Variants in C1orf87 observed in about 807,000 individuals in gnomAD.
C1orf87 encodes the protein chromosome 1 open reading frame 87, also known as uncharacterized protein C1orf87.
C1orf87 carries 58 observed loss-of-function variants against 60.5 expected under a neutral mutation model. The ratio of observed to expected loss-of-function variants is 0.96; its 90% CI spans 0.78 to 1.19. The LOEUF is 1.19. Ranked by LOEUF, C1orf87 falls within the 50% of genes most tolerant of loss-of-function variation. The pLI, the probability that C1orf87 is intolerant of heterozygous loss-of-function variation, is 0.00. For missense variants in C1orf87, 673 were observed against 638.6 expected (o/e 1.05, Z -0.58); for synonymous variants, 236 against 227.4 (o/e 1.04, Z -0.34).
At chr1:60,025,814 A>G (rs1326860016) in intron 7 of C1orf87, among the ~76,000 whole-genome samples, 1 of 152,202 alleles carries the variant, frequency 6.6e-6, no homozygotes, top group African/African-American at 2.4e-5. Flanking sequence ...GTCAATGCCT[A>G]TGTATTACAC....
At chr1:60,047,584 A>T (rs936553327) in intron 3 of C1orf87, among the ~76,000 whole-genome samples, 1 of 152,142 alleles carries the variant, frequency 6.6e-6, no homozygotes, top group Non-Finnish European at 1.5e-5. Flanking sequence ...TTGTTTCTAA[A>T]TTTTTCCAAT....
intron 11 of C1orf87, among the ~76,000 whole-genome samples, chr1:59,994,025 C>T (rs1644945886): frequency 6.6e-6 from 1 of 152,166 alleles, no homozygotes; most frequent in Admixed American, 6.5e-5. Flanking sequence ...TCCCAAAGTG[C>T]TGGGATTACA....
chr1:60,020,157 A>G (rs1645153016), intron 8 of C1orf87, among the ~76,000 whole-genome samples: 1 of 152,088 alleles, frequency 6.6e-6, no homozygotes, highest in Non-Finnish European at 1.5e-5. Context: ...GGAGGGAAAA[A>G]TAGTTTCGTG....
intron 3 of C1orf87, among the ~76,000 whole-genome samples, chr1:60,045,569 A>T (rs573997306): frequency 6.6e-6 from 1 of 152,212 alleles, no homozygotes; most frequent in African/African-American, 2.4e-5. Context: ...ATCAACTGAC[A>T]ATCTTATTTT....
At chr1:59,990,993 A>G (rs995920602) in intron 11 of C1orf87, among the ~76,000 whole-genome samples, 160 bp from the exon 12 acceptor site, 1 of 152,208 alleles carries the variant, frequency 6.6e-6, no homozygotes, top group African/African-American at 2.4e-5. Flanking sequence ...AAAAATATTT[A>G]TAGCTGTGGG....
chr1:60,002,765 A>G (rs1157569386), intron 9 of C1orf87, among the ~76,000 whole-genome samples: 1 of 152,052 alleles, frequency 6.6e-6, no homozygotes, highest in East Asian at 1.9e-4. Flanking sequence ...TCAAAACCAC[A>G]ATGAGATACC....
chr1:60,063,435 G>T (rs891677075), intron 2 of C1orf87, among the ~76,000 whole-genome samples: 1 of 152,110 alleles, frequency 6.6e-6, no homozygotes, highest in African/African-American at 2.4e-5. Context: ...GACAGAAGCA[G>T]CCTTTAGAAA....
rs146142683 is a variant in C1orf87 at position 60,033,559 on chromosome 1, T to A, written c.946A>T (p.Asn316Tyr). 867 of 1,613,776 alleles carry A rather than the reference T, an allele frequency of 5.4e-4. No individual in the cohort carries two copies. The highest frequency in any genetic ancestry group is 7.1e-4 in the Non-Finnish European group (838 of 1,179,880). Residue 316 changes from asparagine (N) to tyrosine (Y), a missense_variant, in exon 7 of 12, where the codon AAT (asparagine) becomes TAT (tyrosine). Coordinates refer to ENST00000371201, the MANE Select transcript of C1orf87 (RefSeq NM_152377.3). ...EILKMALRTT[N>Y]GRLNIDNLNL... ...AGATTGTCTATGTTGAGTCTGCCAT[T>A]GGTTGTCCTTAGTGCCATCTTCAAA...
Position 60,012,057 on chromosome 1 carries a change from C to T in C1orf87, c.1128-1601G>A, listed in dbSNP as rs1645089108. 2.6e-5 allele frequency among the ~76,000 whole-genome samples: 4 copies of T among 152,040 alleles called. No homozygotes were observed. The South Asian group carries it at 8.3e-4, about 32-fold the overall frequency. On this transcript the variant is annotated intron_variant, in intron 8 of 11. Coordinates refer to ENST00000371201, the MANE Select transcript of C1orf87 (RefSeq NM_152377.3). ...TAATTATATAAAGATCTGATATTAG[C>T]ACAGATCTGCAAATAAACTACAATG... is the stretch of plus-strand genomic sequence containing the variant.
In C1orf87 at chr1:59,990,805, G is replaced by T; in HGVS notation, c.1509C>A (p.Arg503=). Residue 503 remains arginine, a synonymous_variant, in exon 12 of 12, where the codon CGC becomes CGA. Coordinates refer to ENST00000371201, the MANE Select transcript of C1orf87 (RefSeq NM_152377.3). ...TGVLEKERAR[R]LIHNYNLIYN... is the part of the protein sequence containing the mutation. ...AAATGAGATTGTAGTTGTGAATGAG[G>T]CGTCTGGCTCGTTCCTTCTCCAGAA... 6.2e-7 allele frequency: 1 copy of T among 1,614,056 alleles called. No homozygotes were observed. The highest frequency in any genetic ancestry group is 8.5e-7 in the Non-Finnish European group (1 of 1,179,940).
Position 60,055,282 on chromosome 1 carries a change from G to A in C1orf87, c.264C>T (p.His88=), listed in dbSNP as rs758405149. 9.3e-6 allele frequency: 15 copies of A among 1,613,932 alleles called. No homozygotes were observed. The highest frequency in any genetic ancestry group is 1.2e-5 in the Non-Finnish European group (14 of 1,180,014). ...DNPDDVKEKK[H]PENNQKSENN... ...TTTCTGATTTCTGGTTGTTCTCTGG[G>A]TGCTTTTTCTCTTTCACATCATCTG... is the stretch of plus-strand genomic sequence containing the variant. The change falls in exon 3 of 12, where the codon CAC becomes CAT. Residue 88 remains histidine, a synonymous_variant. Coordinates refer to ENST00000371201, the MANE Select transcript of C1orf87 (RefSeq NM_152377.3).
chr1:60,042,148 A>G (rs987541731), intron 3 of C1orf87, among the ~76,000 whole-genome samples: 2 of 152,192 alleles, frequency 1.3e-5, no homozygotes, highest in Non-Finnish European at 2.9e-5. Flanking sequence ...TTCAAAGGCA[A>G]TTGTCTCCAA....
chr1:59,997,204 T>C (rs1168053005), intron 11 of C1orf87, among the ~76,000 whole-genome samples: 3 of 152,138 alleles, frequency 2.0e-5, no homozygotes, highest in African/African-American at 7.2e-5. Context: ...TTATTCATTA[T>C]TACTGGGCAG....
At chr1:60,005,437 C>T (rs201969363) in intron 9 of C1orf87, among the ~76,000 whole-genome samples, 14 of 111,850 alleles carry the variant, frequency 1.3e-4, no homozygotes. Context: ...GTGCTATAAA[C>T]ACAGCTAAAA....
intron 5 of C1orf87, among the ~76,000 whole-genome samples, 172 bp from the exon 6 acceptor site, chr1:60,038,279 CCTTCTGGACAAATGGTAAAATTGTA>C (rs1237280792): frequency 6.6e-6 from 1 of 151,868 alleles, no homozygotes; most frequent in Non-Finnish European, 1.5e-5. Context: ...TATTATTTTC[CCTTCTGGACAAATGGTAAAATTGTA>C]CTTCCTGGTT....
rs182013567 is a variant in C1orf87, at chr1:60,070,417, C to T, written c.107+2120G>A. The stretch of plus-strand genomic sequence containing the variant: ...TTTTTATTAATGGATTCAACTTATT[C>T]AATCCAAAGGAAACAGCATTTTGAG... On this transcript the variant is annotated intron_variant, in intron 2 of 11. Coordinates refer to ENST00000371201, the MANE Select transcript of C1orf87 (RefSeq NM_152377.3). 3.1e-3 allele frequency among the ~76,000 whole-genome samples: 472 copies of T among 152,168 alleles called. 1 individual carries two copies. Among genetic ancestry groups the T allele is most frequent in the African/African-American group, 0.011 (446 of 41,508 alleles).
intron 9 of C1orf87, 134 bp from the exon 10 acceptor site, chr1:60,001,290 G>A (rs1645002550): frequency 1.7e-6 from 1 of 572,568 alleles, no homozygotes; most frequent in Non-Finnish European, 2.8e-6. Flanking sequence ...CACTGTGTTA[G>A]GTAATGGGAA....
chr1:60,047,391 T>C (rs1005909686), intron 3 of C1orf87, among the ~76,000 whole-genome samples: 2 of 152,208 alleles, frequency 1.3e-5, no homozygotes, highest in East Asian at 3.9e-4. Context: ...ATTATGTCGC[T>C]TTCAACTGTG....
chr1:60,071,714 C>G (rs1181919241), intron 2 of C1orf87, among the ~76,000 whole-genome samples: 1 of 152,132 alleles, frequency 6.6e-6, no homozygotes, highest in East Asian at 1.9e-4. Flanking sequence ...TGAGGTCTCT[C>G]CCAGTGATTC....
Sources: allele counts gnomAD v4.1 joint callset (sites outside exome capture counted in the v4.1 genomes callset), GRCh38; gene constraint gnomAD v4.1.1; transcripts MANE v1.5; gene names NCBI Gene and HGNC (gene_info 2026-07-23, HGNC 2026-07-21).